Variants in IGFL4 observed in about 807,000 individuals in gnomAD.
The protein encoded by IGFL4 is insulin growth factor-like family member 4.
Under a neutral mutation model 15.4 loss-of-function variants are expected in IGFL4, and 12 were observed. That is an observed-to-expected ratio of 0.78 (90% CI 0.50 to 1.26). IGFL4 has a LOEUF of 1.26. Ranked by LOEUF, IGFL4 falls within the 50% of genes most tolerant of loss-of-function variation. IGFL4 has a pLI of 0.00. For missense variants in IGFL4, 126 were observed against 147.8 expected (o/e 0.85, Z 0.76); for synonymous variants, 54 against 55.9 (o/e 0.97, Z 0.16).
Position 46,040,221 on chromosome 19 carries a change from C to T in IGFL4, c.266G>A (p.Arg89Lys). 4 of 1,614,182 alleles carry T rather than the reference C, an allele frequency of 2.5e-6. No homozygotes were observed. The highest frequency in any genetic ancestry group is 3.4e-6 in the Non-Finnish European group (4 of 1,180,034). ...SLGSQNQTVV[R>K]FKVPGMKPDC... ...TGGCTTCATGCCTGGGACCTTGAAC[C>T]TCACAACTGTCTGGTTCTGAGAGCC... Residue 89 changes from arginine to lysine, a missense_variant, in exon 3 of 4, where the codon AGG (arginine) becomes AAG (lysine). Arg to Lys is a conservative substitution (Grantham distance 26). Transcript: ENST00000377697. This position sits in a 1 kb window ranked among gnomAD's most constrained non-coding sequence, Gnocchi z 4.1.
upstream of IGFL4, among the ~76,000 whole-genome samples, chr19:46,044,832 G>A (rs2146511585): frequency 6.6e-6 from 1 of 152,182 alleles, no homozygotes; most frequent in South Asian, 2.1e-4. Context: ...GGGAAAAACG[G>A]AGGCAACCAG....
chr19:46,064,700 C>T (rs547545839), intron 1 of IGFL4, among the ~76,000 whole-genome samples: 1 of 152,274 alleles, frequency 6.6e-6, no homozygotes, highest in Non-Finnish European at 1.5e-5. Context: ...GTAAGTACCC[C>T]ATAGATACTT....
At chr19:46,041,331 T>C (rs1032898865), upstream of IGFL4, among the ~76,000 whole-genome samples, 1 of 152,162 alleles carries the variant, frequency 6.6e-6, no homozygotes, top group African/African-American at 2.4e-5. Flanking sequence ...ATCAAATTAC[T>C]CACCAAACAC....
chr19:46,064,847 T>A (rs1969479833), intron 1 of IGFL4, among the ~76,000 whole-genome samples: 1 of 152,212 alleles, frequency 6.6e-6, no homozygotes, highest in African/African-American at 2.4e-5. Flanking sequence ...CTATTTTTAG[T>A]TTTTTGAGGA....
At chr19:46,046,033 C>T (rs186346323) in intron 2 of IGFL4, among the ~76,000 whole-genome samples, 2 of 152,104 alleles carry the variant, frequency 1.3e-5, no homozygotes, top group African/African-American at 4.8e-5. Flanking sequence ...AGGTAACCTA[C>T]AAAGAAAAGC....
intron 2 of IGFL4, among the ~76,000 whole-genome samples, chr19:46,049,692 G>A (rs972544224): frequency 6.6e-6 from 1 of 152,156 alleles, no homozygotes; most frequent in Non-Finnish European, 1.5e-5. Context: ...GGCCCTGGGA[G>A]CAGAAGACAA....
At chr19:46,072,630 C>G (rs986945049) in intron 1 of IGFL4, among the ~76,000 whole-genome samples, 3 of 152,174 alleles carry the variant, frequency 2.0e-5, no homozygotes, top group African/African-American at 7.2e-5. Context: ...CAGGTGTGAT[C>G]AGGAGACAGA....
At chr19:46,046,256 A>G (rs1969296449) in intron 2 of IGFL4, among the ~76,000 whole-genome samples, 1 of 152,228 alleles carries the variant, frequency 6.6e-6, no homozygotes, top group South Asian at 2.1e-4. Flanking sequence ...CTCCTGAAGG[A>G]AGCAATAAAT....
chr19:46,072,379 C>T (rs975085140), intron 1 of IGFL4, among the ~76,000 whole-genome samples: 36 of 152,204 alleles, frequency 2.4e-4, no homozygotes, highest in Non-Finnish European at 2.6e-4. Context: ...CCCAAATCCA[C>T]GTGGGGTCCA....
chr19:46,040,330 T>C lies in IGFL4; in HGVS notation c.157A>G (p.Ile53Val), dbSNP rs745826055. 1 of 1,614,190 alleles carries C rather than the reference T, an allele frequency of 6.2e-7. No individual in the cohort carries two copies. Among genetic ancestry groups the C allele is most frequent in the South Asian group, 1.1e-5 (1 of 91,082 alleles). The change falls in exon 3 of 4, where the codon ATC becomes GTC. Residue 53 changes from isoleucine (I) to valine (V), a missense_variant. Coordinates refer to ENST00000377697, the MANE Select transcript of IGFL4 (RefSeq NM_001002923.3). The surrounding 1 kb of genome is among the most constrained non-coding windows in gnomAD (Gnocchi z 4.1). ...AGCCGGGTCTGGTTCAAGTCTAGGA[T>C]GACACCGTCATCACAGCACTGCTCC... ...PLEQCCDDGV[I>V]LDLNQTRLCG...
At chr19:46,066,023 A>G (rs113935480) in intron 1 of IGFL4, among the ~76,000 whole-genome samples, 49 of 152,272 alleles carry the variant, frequency 3.2e-4, no homozygotes, top group African/African-American at 1.1e-3. Flanking sequence ...AGAGACCCTT[A>G]AGGCTGAAAG....
At chr19:46,068,108 G>C (rs1969512103) in intron 1 of IGFL4, among the ~76,000 whole-genome samples, 1 of 152,220 alleles carries the variant, frequency 6.6e-6, no homozygotes, top group Non-Finnish European at 1.5e-5. Context: ...CAATAACTGG[G>C]TCCTCCCAAG....
chr19:46,071,025 G>A (rs1200180616), intron 1 of IGFL4, among the ~76,000 whole-genome samples: 3 of 152,034 alleles, frequency 2.0e-5, no homozygotes, highest in Non-Finnish European at 4.4e-5. Context: ...ACAAGCCTGC[G>A]GTCCTCCATT....
At chr19:46,061,960 A>G (rs1336908415) in intron 1 of IGFL4, among the ~76,000 whole-genome samples, 1 of 152,204 alleles carries the variant, frequency 6.6e-6, no homozygotes, top group Non-Finnish European at 1.5e-5. Context: ...AATCAAAACC[A>G]TCACATAACA....
chr19:46,064,919 G>T (rs1022258961), intron 1 of IGFL4, among the ~76,000 whole-genome samples: 6 of 151,932 alleles, frequency 3.9e-5, no homozygotes, highest in Non-Finnish European at 8.8e-5. Flanking sequence ...AGTGTATGAG[G>T]GTTCCCTTTT....
At chr19:46,068,182 G>A (rs759748991) in intron 1 of IGFL4, among the ~76,000 whole-genome samples, 19 of 152,100 alleles carry the variant, frequency 1.2e-4, no homozygotes, top group African/African-American at 2.4e-4. Context: ...AACCAATTCC[G>A]CCACCATGTG....
rs553432037 is a variant in IGFL4 at position 46,062,999 on chromosome 19, C to T, written c.-431-2706G>A. ...CCTGTAGTGCCAAACCTGTTCTTAG[C>T]ACATAGAGAGGGACTTTACTGAGAG... On this transcript the variant is annotated intron_variant, in intron 1 of 5. Coordinates refer to the IGFL4 transcript ENST00000601672. 2.0e-5 allele frequency: 3 copies of T among 152,278 alleles called. No individual in the cohort carries two copies. In the East Asian group the frequency reaches 5.8e-4, roughly 29 times the overall value. The allele number at this position is 152,278 out of a possible 1,614,324, so 9.4% of individuals were successfully genotyped here.
At chr19:46,059,275 T>C (rs559904263) in intron 2 of IGFL4, 5 of 152,206 alleles carry the variant, frequency 3.3e-5, no homozygotes, top group African/African-American at 1.2e-4. Flanking sequence ...CTGATTCAAA[T>C]GTCTCTGACA....
At chr19:46,072,145 G>A (rs10500295) in intron 1 of IGFL4, among the ~76,000 whole-genome samples, 10,274 of 152,316 alleles carry the variant, frequency 0.067, 572 homozygotes, top group African/African-American at 0.14. Flanking sequence ...TGAGGCCACT[G>A]TTTTCAGGTG....
Sources: allele counts gnomAD v4.1 joint callset (sites outside exome capture counted in the v4.1 genomes callset), GRCh38; gene constraint gnomAD v4.1.1; non-coding constraint Gnocchi (gnomAD v3.1); transcripts MANE v1.5; gene names NCBI Gene and HGNC (gene_info 2026-07-23, HGNC 2026-07-21).